The following ZNF730 variants were observed in gnomAD, a reference collection of about 807,000 sequenced individuals.
ZNF730 encodes the protein zinc finger protein 730.
A neutral mutation model predicts 12.6 loss-of-function variants in ZNF730; 12 were observed. The ratio of observed to expected loss-of-function variants is 0.95; its 90% CI spans 0.61 to 1.54. The LOEUF (loss-of-function observed/expected upper bound fraction) is 1.54. Among genes scored for constraint, ZNF730 ranks in the 40% most tolerant of loss-of-function variants. The pLI, the probability that ZNF730 is intolerant of heterozygous loss-of-function variation, is 0.00. For missense variants in ZNF730, 643 were observed against 583.5 expected (o/e 1.10, Z -1.05); for synonymous variants, 194 against 195.8 (o/e 0.99, Z 0.08).
At chr19:23,138,988 T>A (rs556461274) in intron 3 of ZNF730, among the ~76,000 whole-genome samples, 1 of 152,324 alleles carries the variant, frequency 6.6e-6, no homozygotes, top group African/African-American at 2.4e-5. Flanking sequence ...ACATTTTTAC[T>A]TTCTATTTCA....
chr19:23,126,832 C>A (rs986080950), intron 1 of ZNF730: 7 of 538,606 alleles, frequency 1.3e-5, no homozygotes, highest in Non-Finnish European at 2.6e-5. Context: ...GCTATATTAG[C>A]ATTTTCATAA....
At chr19:23,114,827 G>C (rs1329971949), upstream of ZNF730, among the ~76,000 whole-genome samples, 3 of 152,066 alleles carry the variant, frequency 2.0e-5, no homozygotes, top group Non-Finnish European at 4.4e-5. Flanking sequence ...TATCACCCAG[G>C]CTGGAGTGTA....
At chr19:23,088,134 C>T (rs1407618855) in intron 1 of ZNF730, among the ~76,000 whole-genome samples, 1 of 152,040 alleles carries the variant, frequency 6.6e-6, no homozygotes, top group East Asian at 1.9e-4. Flanking sequence ...TTCTCCCTGC[C>T]TCAGCCTCCC....
At chr19:23,076,485 T>C (rs533528801) in intron 1 of ZNF730, among the ~76,000 whole-genome samples, 10 of 152,304 alleles carry the variant, frequency 6.6e-5, no homozygotes, top group Non-Finnish European at 1.3e-4. Context: ...TGGTCTTTTC[T>C]TGGTCATGAG....
At chr19:23,121,929 G>A (rs887378580) in intron 1 of ZNF730, among the ~76,000 whole-genome samples, 1 of 152,060 alleles carries the variant, frequency 6.6e-6, no homozygotes, top group East Asian at 1.9e-4. Flanking sequence ...TAGATTACAC[G>A]TAGATAGTTT....
upstream of ZNF730, chr19:23,116,834 A>G: frequency 2.2e-6 from 1 of 462,914 alleles, no homozygotes; most frequent in South Asian, 2.9e-5. Flanking sequence ...CAGTTCAGGG[A>G]GGAAGTCCTG....
intron 1 of ZNF730, among the ~76,000 whole-genome samples, chr19:23,078,022 A>G (rs1289907377): frequency 6.6e-6 from 1 of 152,186 alleles, no homozygotes; most frequent in Admixed American, 6.5e-5. Flanking sequence ...ACCCAGGGAC[A>G]CAATACACTG....
chr19:23,116,910 T>A (rs1568310431), upstream of ZNF730: 2 of 595,456 alleles, frequency 3.4e-6, no homozygotes, highest in South Asian at 2.0e-5. Context: ...CATCTGTCAC[T>A]CAGGGCCTGA....
intron 1 of ZNF730, among the ~76,000 whole-genome samples, chr19:23,125,346 C>G (rs954892163): frequency 6.6e-6 from 1 of 152,092 alleles, no homozygotes; most frequent in Non-Finnish European, 1.5e-5. Context: ...GTTTGGAGGT[C>G]TCAGAAGACA....
At chr19:23,080,586 G>T (rs1240116079) in intron 1 of ZNF730, among the ~76,000 whole-genome samples, 1 of 151,800 alleles carries the variant, frequency 6.6e-6, no homozygotes, top group Non-Finnish European at 1.5e-5. Context: ...TGTTGCCCAG[G>T]CTGGTCTCAA....
intron 1 of ZNF730, among the ~76,000 whole-genome samples, chr19:23,120,048 G>A (rs1970580363): frequency 7.0e-6 from 1 of 142,344 alleles, no homozygotes; most frequent in South Asian, 2.3e-4. Flanking sequence ...AGGCTGAAAT[G>A]CAGTGGTGGG....
intron 1 of ZNF730, among the ~76,000 whole-genome samples, chr19:23,091,904 A>T (rs1157928894): frequency 2.0e-5 from 3 of 152,104 alleles, no homozygotes; most frequent in Non-Finnish European, 4.4e-5. Context: ...GCATGATTGG[A>T]TTTGAAATGT....
intron 1 of ZNF730, among the ~76,000 whole-genome samples, chr19:23,109,597 T>A (rs1970437825): frequency 6.6e-6 from 1 of 152,024 alleles, no homozygotes; most frequent in African/African-American, 2.4e-5. Flanking sequence ...AGATGGGGTT[T>A]CACCAGGTTG....
chr19:23,088,986 C>T (rs1003000491), intron 1 of ZNF730, among the ~76,000 whole-genome samples: 2 of 151,822 alleles, frequency 1.3e-5, no homozygotes, highest in African/African-American at 4.8e-5. Context: ...GATTCTTCTT[C>T]CTCAGCCTCT....
Position 23,146,098 on chromosome 19 carries a change from T to A in ZNF730, c.1054T>A (p.Ser352Thr). The A allele has an allele frequency of 6.2e-7, 1 of 1,611,856 alleles. No homozygotes were observed. The highest frequency in any genetic ancestry group is 8.5e-7 in the Non-Finnish European group (1 of 1,179,282). The change falls in exon 4 of 4, where the codon TCC becomes ACC. Residue 352 changes from serine to threonine, a missense_variant. Transcript: ENST00000597761. ...AGAATGTGGCAAAGCTTTTAACCGA[T>A]CCTCAACCCTTAATAGACATAAGAT... ...CEECGKAFNRSSTLNRHKITH... is the reference protein window; with the variant it reads ...CEECGKAFNRTSTLNRHKITH...
At chr19:23,092,420 C>G (rs914501156) in intron 1 of ZNF730, among the ~76,000 whole-genome samples, 4 of 149,722 alleles carry the variant, frequency 2.7e-5, no homozygotes, top group South Asian at 4.2e-4. Flanking sequence ...CATGGAGAAG[C>G]CCCATCTCTC....
chr19:23,127,270 C>T, intron 1 of ZNF730: 1 of 664,672 alleles, frequency 1.5e-6, no homozygotes, highest in Non-Finnish European at 2.8e-6. Context: ...TTTTTCCTTG[C>T]ACACTCAAAT....
chr19:23,122,850 A>G (rs1441549630), intron 1 of ZNF730, among the ~76,000 whole-genome samples: 1 of 152,244 alleles, frequency 6.6e-6, no homozygotes, highest in Non-Finnish European at 1.5e-5. Context: ...TAACTGAATT[A>G]TGGTTATAGA....
chr19:23,088,231 G>A (rs1046088154), intron 1 of ZNF730, among the ~76,000 whole-genome samples: 17 of 151,800 alleles, frequency 1.1e-4, no homozygotes, highest in Non-Finnish European at 1.5e-4. Flanking sequence ...TGTTGGCCAG[G>A]CTGGTCTTGA....
Sources: gnomAD v4.1 joint callset for allele counts (sites outside exome capture counted in the v4.1 genomes callset) on GRCh38, gnomAD v4.1.1 for gene constraint, MANE v1.5 for transcripts, NCBI Gene and HGNC (gene_info 2026-07-23, HGNC 2026-07-21) for gene names.